FSTL5: variants seen among roughly 807,000 people sequenced by gnomAD.
FSTL5 encodes follistatin-related protein 5.
A neutral mutation model predicts 89.1 loss-of-function variants in FSTL5; 62 were observed. The ratio of observed to expected loss-of-function variants is 0.70; its 90% CI spans 0.57 to 0.86. The LOEUF (loss-of-function observed/expected upper bound fraction) is 0.86. Ranked by LOEUF, FSTL5 falls within the 40% of genes least tolerant of loss-of-function variation. The pLI, the probability that FSTL5 is intolerant of heterozygous loss-of-function variation, is 0.00. For synonymous variants in FSTL5, 383 were observed against 346.2 expected (o/e 1.11, Z -1.18); for missense variants, 1,057 against 1,001.6 (o/e 1.06, Z -0.75).
chr4:161,985,336 T>C (rs1213348318), intron 3 of FSTL5, among the ~76,000 whole-genome samples: 1 of 152,200 alleles, frequency 6.6e-6, no homozygotes, highest in African/African-American at 2.4e-5. Context: ...AATATGTTAG[T>C]TATATCATAT....
intron 3 of FSTL5, among the ~76,000 whole-genome samples, chr4:161,935,627 G>GT (rs1338430031): frequency 1.3e-5 from 2 of 151,674 alleles, no homozygotes; most frequent in African/African-American, 4.8e-5. Context: ...GAATATGAAG[G>GT]TTTTTTTAAA....
intron 9 of FSTL5, among the ~76,000 whole-genome samples, chr4:161,540,293 A>G (rs1417606405): frequency 6.6e-6 from 1 of 152,070 alleles, no homozygotes; most frequent in Non-Finnish European, 1.5e-5. Flanking sequence ...GGACATTCAA[A>G]ACTACTTGCT....
At chr4:162,017,896 C>G (rs1047220907) in intron 3 of FSTL5, among the ~76,000 whole-genome samples, 3 of 152,134 alleles carry the variant, frequency 2.0e-5, no homozygotes, top group Admixed American at 2.0e-4. Flanking sequence ...TATTGTCCAA[C>G]TCATTATACC....
At chr4:162,003,659 T>A (rs1044325182) in intron 3 of FSTL5, among the ~76,000 whole-genome samples, 3 of 152,132 alleles carry the variant, frequency 2.0e-5, no homozygotes, top group African/African-American at 7.2e-5. Context: ...GAATGGCCAA[T>A]GTAGTGTAAT....
At chr4:161,913,692 G>A (rs114096128) in intron 4 of FSTL5, among the ~76,000 whole-genome samples, 233 of 152,264 alleles carry the variant, frequency 1.5e-3, no homozygotes, top group African/African-American at 5.4e-3. Context: ...GGGAACCAGC[G>A]TGACCTGGAT....
At chr4:161,556,493 T>C (rs957018840) in intron 8 of FSTL5, among the ~76,000 whole-genome samples, 21 of 151,548 alleles carry the variant, frequency 1.4e-4, no homozygotes, top group Admixed American at 2.6e-4. Flanking sequence ...TTACAAGCTA[T>C]AACTGACTAG....
rs546215415 is a variant in FSTL5, at chr4:161,929,532, T to C, written c.161-8880A>G. Among the ~76,000 whole-genome samples the C allele has an allele frequency of 2.0e-5, 3 of 151,518 alleles. No homozygotes were observed. The South Asian group carries it at 6.3e-4, about 32-fold the overall frequency. ...GGGATTTTCAATTGTGTGATATTTA[T>C]TTTTATGAATTTTTTTGTGGAATGT... On this transcript the variant is annotated intron_variant, in intron 3 of 15. Transcript: ENST00000306100.
chr4:162,098,871 T>A (rs1474214925), intron 2 of FSTL5, among the ~76,000 whole-genome samples: 1 of 152,046 alleles, frequency 6.6e-6, no homozygotes, highest in African/African-American at 2.4e-5. Context: ...CACATCTACA[T>A]GCAAAAACAG....
intron 3 of FSTL5, among the ~76,000 whole-genome samples, chr4:162,006,520 G>C (rs373478142): frequency 2.0e-5 from 3 of 151,942 alleles, no homozygotes; most frequent in South Asian, 4.1e-4. Context: ...TGTTGTACAG[G>C]TAAAACAAAT....
At position 161,830,203 on chromosome 4, in the gene FSTL5, C is replaced by T. The variant is rs28539488; in HGVS notation, c.410-54129G>A. On this transcript the variant is annotated intron_variant, in intron 4 of 15. Coordinates refer to ENST00000306100, the MANE Select transcript of FSTL5 (RefSeq NM_020116.5). The stretch of plus-strand genomic sequence containing the variant: ...AAACAATTGGTCCATCACTATCAGA[C>T]ACATTTTTTTCTTTGCACTGCTGGA... Among the ~76,000 whole-genome samples, 730 of 152,090 alleles carry T rather than the reference C, an allele frequency of 4.8e-3. 13 individuals carry two copies. The highest frequency in any genetic ancestry group is 0.017 in the African/African-American group (707 of 41,548).
chr4:161,548,569 C>A (rs1732086061), intron 8 of FSTL5, among the ~76,000 whole-genome samples: 1 of 151,772 alleles, frequency 6.6e-6, no homozygotes, highest in African/African-American at 2.4e-5. Flanking sequence ...GTGTATACTT[C>A]TTGAACTTGA....
At chr4:161,894,993 T>C (rs1231711928) in intron 4 of FSTL5, among the ~76,000 whole-genome samples, 1 of 152,224 alleles carries the variant, frequency 6.6e-6, no homozygotes, top group Non-Finnish European at 1.5e-5. Flanking sequence ...ACTTATTATG[T>C]CTCAGGTACT....
chr4:161,458,276 A>C (rs1560904703), intron 14 of FSTL5, among the ~76,000 whole-genome samples: 1 of 152,222 alleles, frequency 6.6e-6, no homozygotes, highest in African/African-American at 2.4e-5. Context: ...GAGTGGATTG[A>C]TTTGCAAAAT....
At chr4:161,521,104 T>C (rs1043320468) in intron 10 of FSTL5, among the ~76,000 whole-genome samples, 3 of 152,194 alleles carry the variant, frequency 2.0e-5, no homozygotes, top group African/African-American at 7.2e-5. Context: ...TAAAATGACA[T>C]AATAAGCTCT....
chr4:162,135,421 C>G (rs1163872801), intron 1 of FSTL5, among the ~76,000 whole-genome samples: 1 of 151,890 alleles, frequency 6.6e-6, no homozygotes, highest in Non-Finnish European at 1.5e-5. Context: ...ACTATAATAA[C>G]TTGCAATCTC....
At chr4:161,960,980 A>G (rs1735158809) in intron 3 of FSTL5, among the ~76,000 whole-genome samples, 1 of 152,130 alleles carries the variant, frequency 6.6e-6, no homozygotes, top group Non-Finnish European at 1.5e-5. Flanking sequence ...TCCTAAATAT[A>G]TATCTCATTA....
chr4:161,450,927 G>T (rs984278218), intron 15 of FSTL5, among the ~76,000 whole-genome samples: 4 of 151,760 alleles, frequency 2.6e-5, no homozygotes, highest in Non-Finnish European at 5.9e-5. Context: ...TGCATTTTCA[G>T]TAGAGACGAG....
intron 6 of FSTL5, among the ~76,000 whole-genome samples, chr4:161,684,955 A>G (rs1737663149): frequency 6.6e-6 from 1 of 152,178 alleles, no homozygotes. Context: ...ATCCAGTTTC[A>G]TTCTCCTACA....
chr4:161,829,866 T>C (rs1011008592), intron 4 of FSTL5, among the ~76,000 whole-genome samples: 1 of 152,084 alleles, frequency 6.6e-6, no homozygotes, highest in African/African-American at 2.4e-5. Flanking sequence ...CCTTAAATGA[T>C]TGTATGCATC....
Sources: allele counts gnomAD v4.1 joint callset (sites outside exome capture counted in the v4.1 genomes callset), GRCh38; gene constraint gnomAD v4.1.1; transcripts MANE v1.5; gene names NCBI Gene and HGNC (gene_info 2026-07-23, HGNC 2026-07-21).